HDDC3: variants seen among roughly 807,000 people sequenced by gnomAD.
The protein encoded by HDDC3 is HD domain containing 3, also known as guanosine-3',5'-bis(diphosphate) 3'-pyrophosphohydrolase MESH1.
In HDDC3, 18 loss-of-function variants were observed where a neutral mutation model predicts 19.1. That is an observed-to-expected ratio of 0.94 (90% CI 0.65 to 1.40). The LOEUF is 1.40. HDDC3 is among the 40% of genes most tolerant of loss of function. HDDC3 has a pLI of 0.00. For synonymous variants in HDDC3, 107 were observed against 99.4 expected (o/e 1.08, Z -0.46); for missense variants, 250 against 228.9 (o/e 1.09, Z -0.59).
rs1470658011 is a variant in HDDC3 at position 90,932,475 on chromosome 15, C to G, written c.66G>C (p.Gln22His). The change falls in exon 1 of 4, where the codon CAG becomes CAC. Residue 22 changes from glutamine to histidine, a missense_variant. Gln to His is a conservative substitution (Grantham distance 24, BLOSUM62 0). Coordinates refer to ENST00000394272, the MANE Select transcript of HDDC3 (RefSeq NM_001286451.2). The part of the protein sequence containing the change: ...ADFAARKHRQ[Q>H]RRKDPEGTPY... ...GGGTCCCCTCGGGGTCCTTCCGCCG[C>G]TGCTGCCGGTGCTTGCGAGCCGCGA... 7.6e-7 allele frequency: 1 copy of G among 1,321,368 alleles called. No individual in the cohort carries two copies. The highest frequency in any genetic ancestry group is 9.6e-7 in the Non-Finnish European group (1 of 1,036,284). 81.9% of individuals were successfully genotyped at this position (1,321,368 alleles called of 1,614,324 possible).
At position 90,931,329 on chromosome 15, in the gene HDDC3, C is replaced by T. The variant is rs935916081; in HGVS notation, c.486G>A (p.Arg162=). ...GATGCTTTAGAGCCTCTTCCAGTTG[C>T]CGGTTTGTTCCCTGAAGCCCCTTCA... ...QVVKGLQGTN[R]QLEEALKHLF... is the part of the protein sequence containing the mutation. Residue 162 remains arginine (R), a synonymous_variant, in exon 4 of 4, where the codon CGG becomes CGA. Coordinates refer to ENST00000394272, the MANE Select transcript of HDDC3 (RefSeq NM_001286451.2). 11 of 1,551,722 alleles carry T rather than the reference C, an allele frequency of 7.1e-6. No homozygotes were observed. The Admixed American group carries it at 1.4e-4, about 19-fold the overall frequency.
Position 90,930,958 on chromosome 15 carries a change from G to A in HDDC3, c.*317C>T. The A allele has an allele frequency of 3.1e-6, 1 of 321,646 alleles. No individual in the cohort carries two copies. The highest frequency in any genetic ancestry group is 5.9e-6 in the Non-Finnish European group (1 of 168,886). The allele number at this position is 321,646 out of a possible 1,614,324, so 19.9% of individuals were successfully genotyped here. On this transcript the variant is annotated 3_prime_UTR_variant, in exon 4 of 4. Transcript: ENST00000394272. The stretch of plus-strand genomic sequence containing the variant: ...GAGTTATTTTTATTTTCCAGAACGT[G>A]TTAGGAACTAGTACTTAAATAATCT...
rs1253186427 is a variant in HDDC3 at position 90,931,741 on chromosome 15, C to T, written c.372G>A (p.Leu124=). ...GAKLVKLADK[L]YNLRDLNRCT... ...AGCGATTCAGGTCCCTCAGATTGTA[C>T]AGCTTGTCTGCCAGCTTCACCAGTT... The change falls in exon 3 of 4, where the codon CTG becomes CTA. Residue 124 remains leucine (L), a synonymous_variant. Coordinates refer to ENST00000394272, the MANE Select transcript of HDDC3 (RefSeq NM_001286451.2). The T allele has an allele frequency of 4.3e-6, 7 of 1,614,020 alleles. No individual in the cohort carries two copies. In the South Asian group the frequency reaches 4.4e-5, roughly 10 times the overall value.
At chr15:90,931,519 C>T (rs1414874206) in intron 3 of HDDC3, 114 bp from the exon 4 acceptor site, 4 of 1,614,030 alleles carry the variant, frequency 2.5e-6, no homozygotes, top group Non-Finnish European at 3.4e-6. Flanking sequence ...AATGAGCTGT[C>T]CTGAAAACTT....
At position 90,932,514 on chromosome 15, in the gene HDDC3, C is replaced by T. The variant is rs2035840144; in HGVS notation, c.27G>A (p.Leu9=). 7.7e-7 allele frequency: 1 copy of T among 1,299,702 alleles called. No individual in the cohort carries two copies. Among genetic ancestry groups the T allele is most frequent in the Non-Finnish European group, 9.8e-7 (1 of 1,024,564 alleles). The allele number at this position is 1,299,702 out of a possible 1,614,324, so 80.5% of individuals were successfully genotyped here. Residue 9 remains leucine, a synonymous_variant, in exon 1 of 4, where the codon CTG becomes CTA. Coordinates refer to ENST00000394272, the MANE Select transcript of HDDC3 (RefSeq NM_001286451.2). MGSEAAQL[L]EAADFAARKH... ...TGCGAGCCGCGAAGTCGGCAGCCTC[C>T]AGCAGCTGCGCCGCCTCAGAGCCCA...
chr15:90,931,756 C>T lies in HDDC3; in HGVS notation c.357G>A (p.Lys119=). The T allele has an allele frequency of 6.2e-7, 1 of 1,614,202 alleles. No individual in the cohort carries two copies. ...TCAGATTGTACAGCTTGTCTGCCAG[C>T]TTCACCAGTTTGGCCCCGGGGCTAC... ...PHSSPGAKLV[K]LADKLYNLRD... is the part of the protein sequence containing the mutation. The change falls in exon 3 of 4, where the codon AAG becomes AAA. Residue 119 remains lysine, a synonymous_variant. Transcript: ENST00000394272.
At chr15:90,931,973 G>C (rs768239108) in intron 2 of HDDC3, 29 bp from the exon 3 acceptor site, 19 of 1,613,912 alleles carry the variant, frequency 1.2e-5, no homozygotes, top group Non-Finnish European at 1.4e-5. Context: ...TCAGCCCTGA[G>C]ATGTCAGCCA....
rs1424094375 is a variant in HDDC3, at chr15:90,932,082, C to A, written c.141G>T (p.Ala47=). ...IGVARILTHE[A]GITDIVVLQA... is the part of the protein sequence containing the mutation. ...GTAACACCACAATGTCAGTGATTCC[C>A]GCCTCGTGGGTCAGGATCCGTGCCA... The change falls in exon 2 of 4, where the codon GCG becomes GCT. Residue 47 remains alanine (A), a synonymous_variant. Transcript: ENST00000394272. 2 of 1,608,556 alleles carry A rather than the reference C, an allele frequency of 1.2e-6. No homozygotes were observed. Among genetic ancestry groups the A allele is most frequent in the East Asian group, 2.2e-5 (1 of 44,830 alleles).
Position 90,932,421 on chromosome 15 carries a change from G to A in HDDC3, c.112+8C>T, listed in dbSNP as rs2035834559. ...CCGCAGCCGGCGCTCCGCGGCCGAC[G>A]CGCCCACCGATGGGGTGGTTGATGT... On this transcript the variant is annotated splice_region_variant and intron_variant, in intron 1 of 3. Transcript: ENST00000394272. 7.5e-7 allele frequency: 1 copy of A among 1,339,392 alleles called. No homozygotes were observed. Among genetic ancestry groups the A allele is most frequent in the Non-Finnish European group, 9.6e-7 (1 of 1,044,404 alleles). The allele number at this position is 1,339,392 out of a possible 1,614,324, so 83.0% of individuals were successfully genotyped here. A position where few individuals can be genotyped will look rare whatever the true frequency, so the allele number is the denominator to read the frequency against.
At chr15:90,932,322 A>C (rs1324150681) in intron 1 of HDDC3, 107 bp downstream of exon 1, 3 of 812,812 alleles carry the variant, frequency 3.7e-6, no homozygotes, top group Non-Finnish European at 5.5e-6. Context: ...TATCGCACTA[A>C]GCTTGGGACA....
In HDDC3 at chr15:90,930,075, C is replaced by G. The variant is rs1401269746; in HGVS notation, c.*1200G>C. ...AAAACCACCACCGGGCAATCCCTCCCCATGGCCACCGAGCAAAGTTCCACC... is the reference window on the plus strand; with the variant it reads ...AAAACCACCACCGGGCAATCCCTCCGCATGGCCACCGAGCAAAGTTCCACC... On this transcript the variant is annotated 3_prime_UTR_variant, in exon 4 of 4. Transcript: ENST00000394272. 1 of 152,248 alleles carries G rather than the reference C, an allele frequency of 6.6e-6. No individual in the cohort carries two copies. The highest frequency in any genetic ancestry group is 1.5e-5 in the Non-Finnish European group (1 of 68,050). 9.4% of individuals were successfully genotyped at this position (152,248 alleles called of 1,614,324 possible).
In HDDC3 at chr15:90,932,489, T is replaced by C. The variant is rs2035838545; in HGVS notation, c.52A>G (p.Lys18Glu). Residue 18 changes from lysine to glutamate, a missense_variant, in exon 1 of 4, where the codon AAG becomes GAG. Physicochemically the swap from Lys to Glu is moderately conservative, Grantham distance 56 (BLOSUM62 1). Coordinates refer to ENST00000394272, the MANE Select transcript of HDDC3 (RefSeq NM_001286451.2). ...LLEAADFAAR[K>E]HRQQRRKDPE... ...TCCTTCCGCCGCTGCTGCCGGTGCT[T>C]GCGAGCCGCGAAGTCGGCAGCCTCC... is the stretch of plus-strand genomic sequence containing the variant. 1.5e-6 allele frequency: 2 copies of C among 1,308,596 alleles called. No homozygotes were observed. Among genetic ancestry groups the C allele is most frequent in the East Asian group, 3.0e-5 (1 of 33,682 alleles). 81.1% of individuals were successfully genotyped at this position (1,308,596 alleles called of 1,614,324 possible). A position where few individuals can be genotyped will look rare whatever the true frequency, so the allele number is the denominator to read the frequency against.
chr15:90,932,405 G>C (rs2035833434), intron 1 of HDDC3, 24 bp downstream of exon 1: 2 of 1,302,376 alleles, frequency 1.5e-6, no homozygotes, highest in Non-Finnish European at 2.0e-6. Flanking sequence ...GCCGCAGCCG[G>C]CGCTCCGCGG....
chr15:90,932,447 A>C lies in HDDC3; in HGVS notation c.94T>G (p.Tyr32Asp). Residue 32 changes from tyrosine (Y) to aspartate (D), a missense_variant, in exon 1 of 4, where the codon TAC becomes GAC. By Grantham distance (160) the Tyr-to-Asp change is radical (BLOSUM62 -3). Transcript: ENST00000394272. ...CGCCCACCGATGGGGTGGTTGATGT[A>C]GGGGGTCCCCTCGGGGTCCTTCCGC... ...QRRKDPEGTP[Y>D]INHPIGVARI... 7.4e-7 allele frequency: 1 copy of C among 1,359,074 alleles called. No individual in the cohort carries two copies. Among genetic ancestry groups the C allele is most frequent in the African/African-American group, 1.5e-5 (1 of 66,364 alleles). 84.2% of individuals were successfully genotyped at this position (1,359,074 alleles called of 1,614,324 possible).
intron 1 of HDDC3, 118 bp from the exon 2 acceptor site, chr15:90,932,228 G>A (rs1692420621): frequency 1.7e-6 from 2 of 1,151,872 alleles, no homozygotes; most frequent in South Asian, 1.6e-5. Context: ...GGTGACCTTG[G>A]TCAAGTACCT....
Position 90,930,851 on chromosome 15 carries a change from G to T in HDDC3, c.*424C>A. ...GAGGTGACTCCGGGACACACAATTAGTCCTGCTTTGCTGAAGGAAAGATAT... is the reference window on the plus strand; with the variant it reads ...GAGGTGACTCCGGGACACACAATTATTCCTGCTTTGCTGAAGGAAAGATAT... On this transcript the variant is annotated 3_prime_UTR_variant, in exon 4 of 4. Coordinates refer to ENST00000394272, the MANE Select transcript of HDDC3 (RefSeq NM_001286451.2). 4.5e-6 allele frequency: 1 copy of T among 220,014 alleles called. No homozygotes were observed. The highest frequency in any genetic ancestry group is 1.1e-4 in the East Asian group (1 of 8,778). 13.6% of individuals were successfully genotyped at this position (220,014 alleles called of 1,614,324 possible). A position where few individuals can be genotyped will look rare whatever the true frequency, so the allele number is the denominator to read the frequency against.
Position 90,930,968 on chromosome 15 carries a change from A to G in HDDC3, c.*307T>C, listed in dbSNP as rs1430790682. 6 of 355,068 alleles carry G rather than the reference A, an allele frequency of 1.7e-5. No homozygotes were observed. The highest frequency in any genetic ancestry group is 3.2e-5 in the Non-Finnish European group (6 of 188,406). 22.0% of individuals were successfully genotyped at this position (355,068 alleles called of 1,614,324 possible). A position where few individuals can be genotyped will look rare whatever the true frequency, so the allele number is the denominator to read the frequency against. ...TATTTTCCAGAACGTGTTAGGAACT[A>G]GTACTTAAATAATCTCAAGTCCCTG... On this transcript the variant is annotated 3_prime_UTR_variant, in exon 4 of 4. Transcript: ENST00000394272.
intron 3 of HDDC3, 56 bp downstream of exon 3, chr15:90,931,648 T>A (rs1301372259): frequency 6.2e-7 from 1 of 1,614,076 alleles, no homozygotes; most frequent in Non-Finnish European, 8.5e-7. Context: ...CCAACATGTG[T>A]CTTCAGAAGG....
Position 90,932,517 on chromosome 15 carries a change from C to A in HDDC3, c.24G>T (p.Leu8=). ...GAGCCGCGAAGTCGGCAGCCTCCAG[C>A]AGCTGCGCCGCCTCAGAGCCCATCG... MGSEAAQ[L]LEAADFAARK... Residue 8 remains leucine (L), a synonymous_variant, in exon 1 of 4, where the codon CTG becomes CTT. Coordinates refer to ENST00000394272, the MANE Select transcript of HDDC3 (RefSeq NM_001286451.2). The A allele has an allele frequency of 2.3e-6, 3 of 1,297,784 alleles. No homozygotes were observed. Among genetic ancestry groups the A allele is most frequent in the Non-Finnish European group, 2.9e-6 (3 of 1,023,598 alleles). 80.4% of individuals were successfully genotyped at this position (1,297,784 alleles called of 1,614,324 possible). A position where few individuals can be genotyped will look rare whatever the true frequency, so the allele number is the denominator to read the frequency against.
Sources: gnomAD v4.1 joint callset for allele counts on GRCh38, gnomAD v4.1.1 for gene constraint, MANE v1.5 for transcripts, NCBI Gene and HGNC (gene_info 2026-07-23, HGNC 2026-07-21) for gene names.